FRMD4B: variants seen among roughly 807,000 people sequenced by gnomAD.
The protein encoded by FRMD4B is FERM domain-containing protein 4B.
FRMD4B carries 74 observed loss-of-function variants against 141.5 expected under a neutral mutation model. The ratio of observed to expected loss-of-function variants is 0.52; its 90% CI spans 0.43 to 0.63. The LOEUF (loss-of-function observed/expected upper bound fraction) is 0.63, where lower values mean the gene tolerates loss of function less well. Ranked by LOEUF, FRMD4B falls within the 30% of genes least tolerant of loss-of-function variation. The pLI is 0.00. For synonymous variants in FRMD4B, 506 were observed against 467.9 expected (o/e 1.08, Z -1.05); for missense variants, 1,366 against 1,253.4 (o/e 1.09, Z -1.36).
intron 1 of FRMD4B, among the ~76,000 whole-genome samples, chr3:69,491,626 A>G (rs1706302369): frequency 6.6e-6 from 1 of 152,262 alleles, no homozygotes; most frequent in Non-Finnish European, 1.5e-5. Context: ...AGTTACAAAT[A>G]CAAAACCAAT....
chr3:69,526,366 CCT>C (rs1388381657), intron 1 of FRMD4B, among the ~76,000 whole-genome samples: 16 of 152,274 alleles, frequency 1.1e-4, no homozygotes, highest in African/African-American at 2.6e-4. Context: ...CCTCCCATTC[CCT>C]GTCTCATTTC....
chr3:69,472,808 T>A (rs1705914247), intron 1 of FRMD4B, among the ~76,000 whole-genome samples: 1 of 152,016 alleles, frequency 6.6e-6, no homozygotes, highest in South Asian at 2.1e-4. Flanking sequence ...TTGCCATGGG[T>A]CAAATGTTCA....
intron 1 of FRMD4B, among the ~76,000 whole-genome samples, chr3:69,538,949 C>T (rs1701124385): frequency 6.6e-6 from 1 of 152,156 alleles, no homozygotes; most frequent in African/African-American, 2.4e-5. Context: ...ACATGTAAGA[C>T]CTGCTGATGA....
intron 21 of FRMD4B, 42 bp downstream of exon 21, chr3:69,180,857 T>C (rs756053798): frequency 1.2e-5 from 16 of 1,382,298 alleles, no homozygotes; most frequent in Non-Finnish European, 1.5e-5. Context: ...AAACACGATG[T>C]AAATAAAATC....
chr3:69,187,558 TATATATATAC>T, intron 19 of FRMD4B, among the ~76,000 whole-genome samples: 2 of 145,814 alleles, frequency 1.4e-5, no homozygotes, highest in South Asian at 2.1e-4. Flanking sequence ...AAAAAATATA[TATATATATAC>T]ATATATATAT....
intron 8 of FRMD4B, among the ~76,000 whole-genome samples, chr3:69,223,238 G>T (rs1415503354): frequency 6.6e-6 from 1 of 152,102 alleles, no homozygotes; most frequent in Non-Finnish European, 1.5e-5. Flanking sequence ...TATCAAGGCT[G>T]GGTGCAGTGG....
chr3:69,435,164 T>C (rs1391942442), intron 1 of FRMD4B, among the ~76,000 whole-genome samples: 1 of 152,098 alleles, frequency 6.6e-6, no homozygotes, highest in African/African-American at 2.4e-5. Context: ...CTTCACTATA[T>C]CAATCTAAGG....
chr3:69,198,533 C>T (rs1305910709), intron 12 of FRMD4B, 165 bp downstream of exon 12: 1 of 596,224 alleles, frequency 1.7e-6, no homozygotes, highest in Non-Finnish European at 3.0e-6. Context: ...TGCCATTCCT[C>T]AGAGGGTTAA....
chr3:69,516,449 T>C (rs1040886055), intron 1 of FRMD4B, among the ~76,000 whole-genome samples: 2 of 151,994 alleles, frequency 1.3e-5, no homozygotes, highest in Admixed American at 6.6e-5. Flanking sequence ...ACTGCAACTT[T>C]GAAAATGGAG....
At chr3:69,357,004 G>A (rs760289346) in intron 1 of FRMD4B, among the ~76,000 whole-genome samples, 12 of 152,174 alleles carry the variant, frequency 7.9e-5, no homozygotes, top group Non-Finnish European at 1.5e-5. Flanking sequence ...CAGTTTGTGT[G>A]AGAAAGGATA....
At chr3:69,387,942 A>C (rs1214742833), upstream of FRMD4B, among the ~76,000 whole-genome samples, 3 of 152,050 alleles carry the variant, frequency 2.0e-5, no homozygotes, top group Non-Finnish European at 4.4e-5. Context: ...TTTCAAGATG[A>C]TGGTAACGAT....
At chr3:69,381,980 T>C (rs1704130055) in intron 1 of FRMD4B, among the ~76,000 whole-genome samples, 1 of 152,208 alleles carries the variant, frequency 6.6e-6, no homozygotes, top group African/African-American at 2.4e-5. Context: ...AATTCATTGT[T>C]ATCTGCTTAA....
upstream of FRMD4B, among the ~76,000 whole-genome samples, chr3:69,390,620 C>T (rs1016658911): frequency 6.6e-6 from 1 of 152,164 alleles, no homozygotes; most frequent in African/African-American, 2.4e-5. Flanking sequence ...TGGCCAGGCA[C>T]GGTGGCTCAT....
At chr3:69,524,112 G>A in intron 1 of FRMD4B, among the ~76,000 whole-genome samples, 1 of 152,124 alleles carries the variant, frequency 6.6e-6, no homozygotes. Flanking sequence ...CCAATTCTAG[G>A]CCTCAGAGAT....
intron 1 of FRMD4B, among the ~76,000 whole-genome samples, chr3:69,385,391 C>T (rs1704224396): frequency 6.6e-6 from 1 of 152,242 alleles, no homozygotes; most frequent in African/African-American, 2.4e-5. Flanking sequence ...GAAAATCCAA[C>T]GGAAGGATAA....
At chr3:69,444,576 G>A (rs1395285748) in intron 1 of FRMD4B, among the ~76,000 whole-genome samples, 1 of 152,104 alleles carries the variant, frequency 6.6e-6, no homozygotes, top group African/African-American at 2.4e-5. Flanking sequence ...TGTGTGATTA[G>A]GTTACGCCTG....
chr3:69,472,929 TTTTTTTTTC>T (rs1434033025), intron 1 of FRMD4B, among the ~76,000 whole-genome samples: 71 of 115,636 alleles, frequency 6.1e-4, no homozygotes, highest in African/African-American at 2.3e-3. Context: ...GTCTTTCTTT[TTTTTTTTTC>T]TTTTTTTTTT....
intron 4 of FRMD4B, among the ~76,000 whole-genome samples, chr3:69,294,899 T>C (rs961133148): frequency 1.3e-5 from 2 of 152,058 alleles, no homozygotes; most frequent in African/African-American, 4.8e-5. Flanking sequence ...CGGTGAATAA[T>C]GAAGATAAAT....
intron 5 of FRMD4B, among the ~76,000 whole-genome samples, chr3:69,254,127 C>T (rs566321580): frequency 4.6e-5 from 7 of 151,696 alleles, no homozygotes; most frequent in South Asian, 2.1e-4. Flanking sequence ...CTTTTTTAGA[C>T]GGAGTCTCAT....
Sources: allele counts gnomAD v4.1 joint callset (sites outside exome capture counted in the v4.1 genomes callset), GRCh38; gene constraint gnomAD v4.1.1; transcripts MANE v1.5; gene names NCBI Gene and HGNC (gene_info 2026-07-23, HGNC 2026-07-21).